Variants in HHAT observed in about 807,000 individuals in gnomAD.
HHAT encodes protein-cysteine N-palmitoyltransferase HHAT.
A neutral mutation model predicts 70.8 loss-of-function variants in HHAT; 47 were observed. That is an observed-to-expected ratio of 0.66 (90% CI 0.53 to 0.85). The LOEUF is 0.85. Ranked by LOEUF, HHAT falls within the 40% of genes least tolerant of loss-of-function variation. HHAT has a pLI of 0.00. For synonymous variants in HHAT, 228 were observed against 247.6 expected (o/e 0.92, Z 0.74); for missense variants, 609 against 604.8 (o/e 1.01, Z -0.07).
intron 7 of HHAT, among the ~76,000 whole-genome samples, chr1:210,437,252 T>C (rs1244761351): frequency 6.6e-6 from 1 of 151,896 alleles, no homozygotes; most frequent in Non-Finnish European, 1.5e-5. Context: ...GTGAATCCCA[T>C]AGCCCATCGT....
chr1:210,608,162 C>T (rs6695786), intron 10 of HHAT, among the ~76,000 whole-genome samples: 123,089 of 152,098 alleles, frequency 0.81, 51,985 homozygotes, highest in East Asian at 0.99. Context: ...CGAGATTCCT[C>T]GTACATGTGT....
intron 9 of HHAT, among the ~76,000 whole-genome samples, chr1:210,547,251 G>T (rs535120605): frequency 2.0e-5 from 3 of 152,260 alleles, no homozygotes; most frequent in Admixed American, 6.5e-5. Flanking sequence ...GCTTGAACCC[G>T]GGAGGCAGAG....
chr1:210,627,921 G>A (rs1670134737), intron 11 of HHAT, among the ~76,000 whole-genome samples: 1 of 152,180 alleles, frequency 6.6e-6, no homozygotes. Flanking sequence ...ATGCTTTGCA[G>A]AGACCAATGC....
chr1:210,577,657 TTTTTTTTC>T (rs1310960014), intron 9 of HHAT, among the ~76,000 whole-genome samples: 2,022 of 131,132 alleles, frequency 0.015, 106 homozygotes, highest in African/African-American at 0.06. Flanking sequence ...TTTTTTTTTT[TTTTTTTTC>T]GAAATGGAGT....
chr1:210,440,426 C>T (rs1448943631), intron 7 of HHAT, among the ~76,000 whole-genome samples: 1 of 151,582 alleles, frequency 6.6e-6, no homozygotes, highest in Non-Finnish European at 1.5e-5. Context: ...GCCTTTCTAC[C>T]CCCATGGCAA....
intron 9 of HHAT, among the ~76,000 whole-genome samples, chr1:210,526,342 T>G (rs2095244343): frequency 6.9e-6 from 1 of 144,892 alleles, no homozygotes; most frequent in African/African-American, 2.6e-5. Flanking sequence ...TAACCTTCCT[T>G]AATAAACTAA....
At chr1:210,591,107 G>A (rs1661599984) in intron 10 of HHAT, among the ~76,000 whole-genome samples, 2 of 152,066 alleles carry the variant, frequency 1.3e-5, no homozygotes, top group Admixed American at 1.3e-4. Context: ...TTTTAAATAT[G>A]TAATAATTGT....
chr1:210,591,513 T>C (rs1282534725), intron 10 of HHAT, among the ~76,000 whole-genome samples: 1 of 152,040 alleles, frequency 6.6e-6, no homozygotes, highest in East Asian at 1.9e-4. Context: ...AACATGGGAG[T>C]GCAAATATCT....
At chr1:210,386,553 C>T (rs1027011404) in intron 3 of HHAT, among the ~76,000 whole-genome samples, 1 of 152,242 alleles carries the variant, frequency 6.6e-6, no homozygotes, top group South Asian at 2.1e-4. Context: ...GAGTCCTTTT[C>T]CAGGCACACA....
Position 210,368,577 on chromosome 1 carries a change from C to A in HHAT, c.159+5658C>A, listed in dbSNP as rs748472743. Reference sequence around the variant, plus strand: ...AAGTGCTGGGATTACAGGCATGAGCCACTGTGCCTGGCCTCATTTACCTCC... The same window carrying A: ...AAGTGCTGGGATTACAGGCATGAGCAACTGTGCCTGGCCTCATTTACCTCC... On this transcript the variant is annotated intron_variant, in intron 3 of 11. Transcript: ENST00000261458. Among the ~76,000 whole-genome samples, 12 of 151,866 alleles carry A rather than the reference C, an allele frequency of 7.9e-5. 1 individual carries two copies. The East Asian group carries it at 2.3e-3, about 30-fold the overall frequency.
At chr1:210,642,048 A>T (rs899222489) in intron 11 of HHAT, among the ~76,000 whole-genome samples, 24 of 152,076 alleles carry the variant, frequency 1.6e-4, no homozygotes, top group African/African-American at 5.8e-4. Context: ...CAAAGTTTTG[A>T]ATGTTTTGTT....
chr1:210,361,017 A>C (rs1460428303), intron 2 of HHAT, among the ~76,000 whole-genome samples: 2 of 152,010 alleles, frequency 1.3e-5, no homozygotes, highest in Non-Finnish European at 2.9e-5. Flanking sequence ...GCCTCAGGAA[A>C]TCTGAGGCTA....
chr1:210,402,312 T>G (rs2092116423), intron 5 of HHAT, among the ~76,000 whole-genome samples: 2 of 152,200 alleles, frequency 1.3e-5, no homozygotes, highest in Admixed American at 6.5e-5. Flanking sequence ...GCAGGACCAT[T>G]GATGTTTCCC....
chr1:210,488,687 G>A (rs1441757994), intron 8 of HHAT, among the ~76,000 whole-genome samples: 3 of 152,178 alleles, frequency 2.0e-5, no homozygotes, highest in Non-Finnish European at 4.4e-5. Context: ...GAGCCCGGAA[G>A]TTTGAGACCA....
intron 9 of HHAT, among the ~76,000 whole-genome samples, chr1:210,539,488 G>C (rs937433858): frequency 6.6e-6 from 1 of 152,174 alleles, no homozygotes. Context: ...GTAGGAGTAG[G>C]AGTGGCCATC....
intron 7 of HHAT, among the ~76,000 whole-genome samples, chr1:210,434,560 T>C (rs1227922313): frequency 6.6e-6 from 1 of 151,798 alleles, no homozygotes; most frequent in Non-Finnish European, 1.5e-5. Context: ...ACACTATCTC[T>C]TATACAGCTG....
chr1:210,433,059 G>T (rs1453209975), intron 7 of HHAT, among the ~76,000 whole-genome samples: 1 of 151,714 alleles, frequency 6.6e-6, no homozygotes, highest in Admixed American at 6.6e-5. Context: ...GACAGTAAAA[G>T]ATGTCTCTTT....
At chr1:210,627,932 AG>A (rs1670138704) in intron 11 of HHAT, among the ~76,000 whole-genome samples, 1 of 152,176 alleles carries the variant, frequency 6.6e-6, no homozygotes, top group Non-Finnish European at 1.5e-5. Flanking sequence ...AGACCAATGC[AG>A]GTTGCTTTTT....
chr1:210,354,475 A>G (rs1254874462), intron 2 of HHAT, among the ~76,000 whole-genome samples: 2 of 152,062 alleles, frequency 1.3e-5, no homozygotes, highest in Non-Finnish European at 1.5e-5. Flanking sequence ...TATGATAATT[A>G]TGATGCAATC....
Sources: gnomAD v4.1 joint callset for allele counts (sites outside exome capture counted in the v4.1 genomes callset) on GRCh38, gnomAD v4.1.1 for gene constraint, MANE v1.5 for transcripts, NCBI Gene and HGNC (gene_info 2026-07-23, HGNC 2026-07-21) for gene names.